The following LRRC4C variants were observed in gnomAD, a reference collection of about 807,000 sequenced individuals.
LRRC4C encodes the protein leucine rich repeat containing 4C.
A neutral mutation model predicts 33.6 loss-of-function variants in LRRC4C; 5 were observed. The ratio of observed to expected loss-of-function variants is 0.15; its 90% CI spans 0.08 to 0.31. The LOEUF (loss-of-function observed/expected upper bound fraction) is 0.31. LRRC4C is among the 10% of genes least tolerant of loss of function. The pLI, the probability that LRRC4C is intolerant of heterozygous loss-of-function variation, is 1.00. For synonymous variants in LRRC4C, 329 were observed against 302.0 expected (o/e 1.09, Z -0.93); for missense variants, 560 against 796.7 (o/e 0.70, Z 3.58).
chr11:40,368,615 T>C (rs1057217241), intron 3 of LRRC4C, among the ~76,000 whole-genome samples: 1 of 152,190 alleles, frequency 6.6e-6, no homozygotes, highest in African/African-American at 2.4e-5. Context: ...GGCTTTAGAA[T>C]ATAATTGTGC....
At chr11:41,147,458 G>A (rs892273634) in intron 1 of LRRC4C, among the ~76,000 whole-genome samples, 1 of 152,122 alleles carries the variant, frequency 6.6e-6, no homozygotes, top group Non-Finnish European at 1.5e-5. Context: ...AATTATGCTT[G>A]GTACATCAAC....
At chr11:40,280,120 T>C (rs914935610) in intron 4 of LRRC4C, among the ~76,000 whole-genome samples, 21 of 152,140 alleles carry the variant, frequency 1.4e-4, no homozygotes, top group African/African-American at 4.1e-4. Context: ...AATCCATCTG[T>C]GATGCTCAAA....
At chr11:41,071,410 G>C (rs1467936631) in intron 1 of LRRC4C, among the ~76,000 whole-genome samples, 2 of 152,080 alleles carry the variant, frequency 1.3e-5, no homozygotes, top group Non-Finnish European at 2.9e-5. Flanking sequence ...GGAACTTAAA[G>C]TAAAATAGAA....
intron 3 of LRRC4C, among the ~76,000 whole-genome samples, chr11:40,583,098 C>G (rs1258201667): frequency 6.6e-6 from 1 of 152,074 alleles, no homozygotes; most frequent in Non-Finnish European, 1.5e-5. Context: ...ATTAACCAAC[C>G]TCTCTTCATT....
chr11:40,546,475 A>C (rs1956930261), intron 3 of LRRC4C, among the ~76,000 whole-genome samples: 2 of 152,176 alleles, frequency 1.3e-5, no homozygotes, highest in Admixed American at 6.6e-5. Context: ...GTTGTGATAA[A>C]ATTTAGCACA....
intron 2 of LRRC4C, among the ~76,000 whole-genome samples, chr11:40,732,631 A>C (rs1378850887): frequency 1.3e-5 from 2 of 152,244 alleles, no homozygotes; most frequent in African/African-American, 4.8e-5. Context: ...GTCTCAGTCC[A>C]CATCACATCC....
intron 1 of LRRC4C, among the ~76,000 whole-genome samples, chr11:41,260,168 T>C (rs1948932657): frequency 6.6e-6 from 1 of 152,086 alleles, no homozygotes; most frequent in African/African-American, 2.4e-5. Flanking sequence ...TACTTGTTTA[T>C]AACTTTCTTC....
chr11:40,380,142 A>G (rs960697093), intron 3 of LRRC4C, among the ~76,000 whole-genome samples: 1 of 152,228 alleles, frequency 6.6e-6, no homozygotes, highest in Non-Finnish European at 1.5e-5. Context: ...GGGAAATCAA[A>G]AAATATTTCA....
chr11:40,442,447 G>T (rs909796410), intron 3 of LRRC4C, among the ~76,000 whole-genome samples: 5 of 152,158 alleles, frequency 3.3e-5, no homozygotes, highest in African/African-American at 1.2e-4. Context: ...TCCAGGTGCA[G>T]CTGGAGAGAT....
intron 1 of LRRC4C, among the ~76,000 whole-genome samples, chr11:41,027,231 C>T (rs1856438593): frequency 6.6e-6 from 1 of 151,648 alleles, no homozygotes. Context: ...ATCCCCTACT[C>T]TCAAAAATGA....
At chr11:40,953,890 G>T (rs1165684156) in intron 1 of LRRC4C, among the ~76,000 whole-genome samples, 1 of 151,810 alleles carries the variant, frequency 6.6e-6, no homozygotes, top group East Asian at 1.9e-4. Flanking sequence ...CATTACAAAA[G>T]GGGAACACTG....
chr11:40,406,252 T>C (rs1399618152), intron 3 of LRRC4C, among the ~76,000 whole-genome samples: 1 of 152,146 alleles, frequency 6.6e-6, no homozygotes. Flanking sequence ...TGCTACTCAG[T>C]CTTAGAGGCC....
chr11:40,717,418 T>G (rs2136649715), intron 2 of LRRC4C, among the ~76,000 whole-genome samples: 1 of 152,288 alleles, frequency 6.6e-6, no homozygotes, highest in South Asian at 2.1e-4. Context: ...TTTTACATTC[T>G]ACCCCAAAGA....
chr11:41,161,372 G>C (rs1363836697), intron 1 of LRRC4C, among the ~76,000 whole-genome samples: 1 of 152,122 alleles, frequency 6.6e-6, no homozygotes, highest in African/African-American at 2.4e-5. Flanking sequence ...CCTGTAGAGA[G>C]CTTTGAAAAC....
chr11:40,359,789 AT>A (rs756861479), intron 3 of LRRC4C, among the ~76,000 whole-genome samples: 9 of 152,164 alleles, frequency 5.9e-5, no homozygotes, highest in Non-Finnish European at 1.3e-4. Flanking sequence ...TTCCATGAGC[AT>A]TTTATGCCGT....
intron 4 of LRRC4C, among the ~76,000 whole-genome samples, chr11:40,268,391 T>C (rs1387856578): frequency 6.6e-6 from 1 of 152,148 alleles, no homozygotes; most frequent in African/African-American, 2.4e-5. Context: ...CTTCCTAAAT[T>C]GAAAACAAAA....
intron 1 of LRRC4C, among the ~76,000 whole-genome samples, chr11:40,947,795 T>A (rs1270949065): frequency 6.6e-6 from 1 of 152,084 alleles, no homozygotes; most frequent in Non-Finnish European, 1.5e-5. Flanking sequence ...GGCCTCCCTG[T>A]ACTCCCAGCT....
Position 40,761,455 on chromosome 11 carries a change from C to T in LRRC4C, c.-406-113177G>A, listed in dbSNP as rs1406163017. Among the ~76,000 whole-genome samples, 4 of 152,090 alleles carry T rather than the reference C, an allele frequency of 2.6e-5. No individual in the cohort carries two copies. The South Asian group carries it at 6.2e-4, about 24-fold the overall frequency. On this transcript the variant is annotated intron_variant, in intron 2 of 6. Transcript: ENST00000528697. ...GAAGGGGTTGAGCTGAAGAAAGCCT[C>T]ACCTGCAACCTCAGCTTTTCTGTTG...
intron 4 of LRRC4C, chr11:40,292,920 C>CA (rs1008154914): frequency 3.1e-4 from 46 of 146,546 alleles, no homozygotes; most frequent in East Asian, 9.9e-4. Context: ...CCACCACCAC[C>CA]AAAAAAAAAA....
Sources: gnomAD v4.1 joint callset for allele counts (sites outside exome capture counted in the v4.1 genomes callset) on GRCh38, gnomAD v4.1.1 for gene constraint, MANE v1.5 for transcripts, NCBI Gene and HGNC (gene_info 2026-07-23, HGNC 2026-07-21) for gene names.